GRIK3: variants seen among roughly 807,000 people sequenced by gnomAD.
The protein encoded by GRIK3 is glutamate ionotropic receptor kainate type subunit 3, also known as glutamate receptor ionotropic, kainate 3.
In GRIK3, 29 loss-of-function variants were observed where a neutral mutation model predicts 102.5. That is an observed-to-expected ratio of 0.28 (90% CI 0.21 to 0.39). The LOEUF (loss-of-function observed/expected upper bound fraction) is 0.39. Ranked by LOEUF, GRIK3 falls within the 10% of genes least tolerant of loss-of-function variation. The pLI is 1.00. For missense variants in GRIK3, 908 were observed against 1,252.4 expected (o/e 0.73, Z 4.15); for synonymous variants, 511 against 504.9 (o/e 1.01, Z -0.16).
intron 1 of GRIK3, among the ~76,000 whole-genome samples, chr1:37,014,464 T>C (rs6673114): frequency 0.016 from 2,481 of 152,344 alleles, 68 homozygotes; most frequent in African/African-American, 0.056. Flanking sequence ...TAGAGTTCCT[T>C]TTCTGGCAGA....
rs3820275 is a variant in GRIK3 at position 36,986,035 on chromosome 1, C to T, written c.115+47959G>A. On this transcript the variant is annotated intron_variant, in intron 1 of 15. Transcript: ENST00000373091. ...GTAGAGACGAAATCTCCCTGGAGCA[C>T]AGCTTCCCCCAGCTATTCCTCACCC... is the stretch of plus-strand genomic sequence containing the variant. Among the ~76,000 whole-genome samples, 319 of 152,178 alleles carry T rather than the reference C, an allele frequency of 2.1e-3. 11 individuals are homozygous for T. The East Asian group carries it at 0.056, about 27-fold the overall frequency.
chr1:36,834,816 C>A (rs145730455), intron 10 of GRIK3, among the ~76,000 whole-genome samples: 1 of 152,298 alleles, frequency 6.6e-6, no homozygotes, highest in African/African-American at 2.4e-5. Flanking sequence ...GCCAGTGCTC[C>A]GGGACTCCAC....
chr1:37,014,111 C>T (rs1330168356), intron 1 of GRIK3, among the ~76,000 whole-genome samples: 2 of 152,236 alleles, frequency 1.3e-5, no homozygotes, highest in East Asian at 3.8e-4. Context: ...CCAGAGAGGC[C>T]CTTCCTACTC....
At chr1:36,868,955 G>A (rs1013934190) in intron 5 of GRIK3, among the ~76,000 whole-genome samples, 2 of 152,192 alleles carry the variant, frequency 1.3e-5, no homozygotes, top group Admixed American at 1.3e-4. Flanking sequence ...ACATACTGCA[G>A]GAGGCTTTTT....
At chr1:36,875,331 C>T (rs772633075) in intron 3 of GRIK3, among the ~76,000 whole-genome samples, 70 of 152,350 alleles carry the variant, frequency 4.6e-4, no homozygotes, top group Non-Finnish European at 9.3e-4. Context: ...AGATAAGGCA[C>T]AAAGCTCGTG....
chr1:37,031,010 T>C (rs1052706733), intron 1 of GRIK3, among the ~76,000 whole-genome samples: 3 of 152,092 alleles, frequency 2.0e-5, no homozygotes, highest in Non-Finnish European at 2.9e-5. Flanking sequence ...TGGGGTCAGG[T>C]AACCTGGAAA....
rs1428934600 is a variant in GRIK3 at position 36,891,018 on chromosome 1, T to C, written c.194A>G (p.Asn65Ser). The change falls in exon 2 of 16, where the codon AAC becomes AGC. Residue 65 changes from asparagine to serine, a missense_variant. Asn to Ser is a conservative substitution (Grantham distance 46). Coordinates refer to ENST00000373091, the MANE Select transcript of GRIK3 (RefSeq NM_000831.4). ...AEEHAFRFSANIINRNRTLLP... is the reference protein window; with the variant it reads ...AEEHAFRFSASIINRNRTLLP... ...CAGAGTCCTGTTCCTGTTGATGATG[T>C]TGGCAGAAAATCGAAAGGCATGCTC... is the stretch of plus-strand genomic sequence containing the variant. The C allele has an allele frequency of 1.2e-6, 2 of 1,613,956 alleles. No individual in the cohort carries two copies. The highest frequency in any genetic ancestry group is 2.7e-5 in the African/African-American group (2 of 74,926).
chr1:36,846,927 T>A (rs1640525995), intron 9 of GRIK3, among the ~76,000 whole-genome samples: 1 of 152,190 alleles, frequency 6.6e-6, no homozygotes, highest in Non-Finnish European at 1.5e-5. Context: ...CTGTGTCACA[T>A]CCTCTATCCC....
chr1:36,944,576 G>A (rs1423272106), intron 1 of GRIK3, among the ~76,000 whole-genome samples: 2 of 152,196 alleles, frequency 1.3e-5, no homozygotes, highest in Non-Finnish European at 2.9e-5. Flanking sequence ...CAGATCAGAA[G>A]GGAAGAGAAA....
chr1:36,990,616 T>C (rs898606173), intron 1 of GRIK3, among the ~76,000 whole-genome samples: 3 of 152,148 alleles, frequency 2.0e-5, no homozygotes, highest in Non-Finnish European at 4.4e-5. Flanking sequence ...GGGACTCAAC[T>C]TGAGAAGGAG....
At chr1:37,031,716 A>T (rs1398573021) in intron 1 of GRIK3, among the ~76,000 whole-genome samples, 1 of 152,042 alleles carries the variant, frequency 6.6e-6, no homozygotes, top group Admixed American at 6.6e-5. Flanking sequence ...GATGGGGGGG[A>T]TGGGAAAAGG....
chr1:36,901,556 A>G (rs976943019), intron 1 of GRIK3, among the ~76,000 whole-genome samples: 1 of 152,224 alleles, frequency 6.6e-6, no homozygotes, highest in Non-Finnish European at 1.5e-5. Flanking sequence ...TCATAAGAAT[A>G]TTAATAGCAG....
chr1:36,893,916 C>T (rs1322903025), intron 1 of GRIK3, among the ~76,000 whole-genome samples: 2 of 152,180 alleles, frequency 1.3e-5, no homozygotes, highest in African/African-American at 2.4e-5. Context: ...AGAAGAGGAA[C>T]TTATGTCTTT....
At chr1:37,003,480 C>T (rs1008728713) in intron 1 of GRIK3, among the ~76,000 whole-genome samples, 1 of 152,180 alleles carries the variant, frequency 6.6e-6, no homozygotes, top group African/African-American at 2.4e-5. Context: ...TGGTATCAGC[C>T]TCAAAAAGTG....
At chr1:37,017,761 A>AT (rs1394317842) in intron 1 of GRIK3, among the ~76,000 whole-genome samples, 1 of 152,128 alleles carries the variant, frequency 6.6e-6, no homozygotes, top group African/African-American at 2.4e-5. Context: ...CTCACTAGAG[A>AT]TAACACCTCT....
At chr1:37,013,417 T>C (rs1398924697) in intron 1 of GRIK3, among the ~76,000 whole-genome samples, 1 of 152,072 alleles carries the variant, frequency 6.6e-6, no homozygotes, top group Non-Finnish European at 1.5e-5. Context: ...CTTGGATGAG[T>C]GTGTGTATGC....
At chr1:36,992,403 T>C (rs1642372295) in intron 1 of GRIK3, among the ~76,000 whole-genome samples, 1 of 152,046 alleles carries the variant, frequency 6.6e-6, no homozygotes, top group Non-Finnish European at 1.5e-5. Flanking sequence ...AGGCATGGAA[T>C]GACTGGAAGC....
At chr1:36,941,122 G>T (rs762134956) in intron 1 of GRIK3, among the ~76,000 whole-genome samples, 3 of 152,096 alleles carry the variant, frequency 2.0e-5, no homozygotes, top group Non-Finnish European at 2.9e-5. Context: ...GACAAGTATG[G>T]TGCAGGTGCA....
chr1:36,979,976 A>T (rs954621920), intron 1 of GRIK3, among the ~76,000 whole-genome samples: 1 of 152,174 alleles, frequency 6.6e-6, no homozygotes, highest in African/African-American at 2.4e-5. Flanking sequence ...TCTTGAGAGG[A>T]CACCCTCTTG....
Sources: gnomAD v4.1 joint callset for allele counts (sites outside exome capture counted in the v4.1 genomes callset) on GRCh38, gnomAD v4.1.1 for gene constraint, MANE v1.5 for transcripts, NCBI Gene and HGNC (gene_info 2026-07-23, HGNC 2026-07-21) for gene names.